The following CELF4 variants were observed in gnomAD, a reference collection of about 807,000 sequenced individuals.
CELF4 encodes the protein CUG-BP- and ETR-3-like factor 4.
In CELF4, 18 loss-of-function variants were observed where a neutral mutation model predicts 59.9. The ratio of observed to expected loss-of-function variants is 0.30; its 90% CI spans 0.21 to 0.45. The LOEUF (loss-of-function observed/expected upper bound fraction) is 0.45, where lower values mean the gene tolerates loss of function less well. Ranked by LOEUF, CELF4 falls within the 20% of genes least tolerant of loss-of-function variation. The pLI, the probability that CELF4 is intolerant of heterozygous loss-of-function variation, is 1.00. For missense variants in CELF4, 456 were observed against 689.0 expected (o/e 0.66, Z 3.79); for synonymous variants, 261 against 267.1 (o/e 0.98, Z 0.22).
At chr18:37,476,023 T>G (rs1026601564) in intron 2 of CELF4, among the ~76,000 whole-genome samples, 2 of 152,250 alleles carry the variant, frequency 1.3e-5, no homozygotes, top group African/African-American at 4.8e-5. Context: ...TTATTTCATC[T>G]GTGAATTAGG....
At chr18:37,435,122 G>T (rs1332056667) in intron 2 of CELF4, among the ~76,000 whole-genome samples, 1 of 152,142 alleles carries the variant, frequency 6.6e-6, no homozygotes, top group Non-Finnish European at 1.5e-5. Flanking sequence ...CCAGGGAAAG[G>T]TGATCCTTGC....
chr18:37,404,574 G>C, intron 2 of CELF4, among the ~76,000 whole-genome samples: 1 of 152,192 alleles, frequency 6.6e-6, no homozygotes, highest in African/African-American at 2.4e-5. Flanking sequence ...TGGGGGCTGT[G>C]CCTGGGCCTG....
At chr18:37,474,919 C>T (rs893022734) in intron 2 of CELF4, among the ~76,000 whole-genome samples, 2 of 152,216 alleles carry the variant, frequency 1.3e-5, no homozygotes, top group Non-Finnish European at 2.9e-5. Context: ...ACTTTGCCCA[C>T]GCATGCAGCA....
At chr18:37,416,011 C>T (rs1458317771) in intron 2 of CELF4, among the ~76,000 whole-genome samples, 2 of 152,280 alleles carry the variant, frequency 1.3e-5, no homozygotes, top group East Asian at 3.9e-4. Flanking sequence ...AACCTTCATT[C>T]TCTTTGGTAT....
At chr18:37,400,738 G>T (rs2099316606) in intron 2 of CELF4, among the ~76,000 whole-genome samples, 1 of 152,244 alleles carries the variant, frequency 6.6e-6, no homozygotes, top group Non-Finnish European at 1.5e-5. Context: ...CAGAATGAAT[G>T]CCGTTCATGG....
Position 37,515,572 on chromosome 18 carries a change from G to A in CELF4, c.287-29965C>T, listed in dbSNP as rs150616310. Among the ~76,000 whole-genome samples the A allele has an allele frequency of 4.6e-5, 7 of 152,318 alleles. No homozygotes were observed. In the South Asian group the frequency reaches 6.2e-4, roughly 14 times the overall value. On this transcript the variant is annotated intron_variant, in intron 1 of 12. Coordinates refer to ENST00000420428, the MANE Select transcript of CELF4 (RefSeq NM_020180.4). ...GCGGAGGTTGCATCAAGACCGTAAC[G>A]CTGGAGGGAGACAGGCCTCCCTACT...
chr18:37,372,241 C>A (rs577260369), intron 2 of CELF4, among the ~76,000 whole-genome samples: 62 of 152,252 alleles, frequency 4.1e-4, no homozygotes, highest in Admixed American at 1.2e-3. Flanking sequence ...CAAATGTCCA[C>A]CAATGATAGA....
chr18:37,285,411 C>A (rs1464390989), intron 3 of CELF4, among the ~76,000 whole-genome samples: 4 of 152,244 alleles, frequency 2.6e-5, no homozygotes, highest in Non-Finnish European at 5.9e-5. Context: ...GTCCTTGGCC[C>A]CTGGGGCCTG....
At chr18:37,276,618 C>A (rs1485470033) in intron 3 of CELF4, 1 of 152,158 alleles carries the variant, frequency 6.6e-6, no homozygotes, top group East Asian at 1.9e-4. Context: ...TCGGATAATT[C>A]CAGCTCCCAG....
At chr18:37,459,103 A>G (rs1044646792) in intron 2 of CELF4, among the ~76,000 whole-genome samples, 2 of 152,146 alleles carry the variant, frequency 1.3e-5, no homozygotes, top group African/African-American at 4.8e-5. Context: ...GAGCCCTGGG[A>G]CACTTTCTGA....
In CELF4 at chr18:37,379,796, G is replaced by T. The variant is rs145739622; in HGVS notation, c.370-57915C>A. On this transcript the variant is annotated intron_variant, in intron 2 of 12. Coordinates refer to ENST00000420428, the MANE Select transcript of CELF4 (RefSeq NM_020180.4). Reference sequence around the variant, plus strand: ...CTCCTGAGAGTGCTTGAGAGATCTGGTGACACACTCCTGCTCTCCCTCCAG... The same window carrying T: ...CTCCTGAGAGTGCTTGAGAGATCTGTTGACACACTCCTGCTCTCCCTCCAG... 1.7e-4 allele frequency among the ~76,000 whole-genome samples: 26 copies of T among 152,304 alleles called. No individual in the cohort carries two copies. The East Asian group carries it at 5.0e-3, about 30-fold the overall frequency.
chr18:37,402,521 C>G (rs1387088023), intron 2 of CELF4, among the ~76,000 whole-genome samples: 2 of 152,118 alleles, frequency 1.3e-5, no homozygotes, highest in East Asian at 3.9e-4. Context: ...AGCCCCTTCT[C>G]AATCCTTCTA....
At chr18:37,518,253 T>C (rs994432049) in intron 1 of CELF4, among the ~76,000 whole-genome samples, 1 of 152,102 alleles carries the variant, frequency 6.6e-6, no homozygotes, top group African/African-American at 2.4e-5. Context: ...ACCCCTAAGA[T>C]AAATGAAGAA....
intron 2 of CELF4, among the ~76,000 whole-genome samples, chr18:37,427,407 G>A (rs1377749569): frequency 2.0e-5 from 3 of 152,260 alleles, no homozygotes; most frequent in East Asian, 3.9e-4. Context: ...CTGCATGGGG[G>A]ATTTGCTCTG....
chr18:37,541,350 T>C (rs2099977654), intron 1 of CELF4, among the ~76,000 whole-genome samples: 1 of 151,952 alleles, frequency 6.6e-6, no homozygotes, highest in African/African-American at 2.4e-5. Flanking sequence ...TGGGCGCCTC[T>C]CTTTCTCCCC....
chr18:37,312,443 C>G (rs957074335), intron 3 of CELF4, among the ~76,000 whole-genome samples: 3 of 152,202 alleles, frequency 2.0e-5, no homozygotes, highest in Admixed American at 6.5e-5. Flanking sequence ...TCACACAAAC[C>G]TCTTGTGTTG....
intron 2 of CELF4, among the ~76,000 whole-genome samples, chr18:37,433,106 C>T (rs2099675731): frequency 6.6e-6 from 1 of 152,110 alleles, no homozygotes; most frequent in Non-Finnish European, 1.5e-5. Flanking sequence ...TAGGATGTGC[C>T]CATGAGTGGG....
intron 12 of CELF4, among the ~76,000 whole-genome samples, chr18:37,251,248 G>T (rs945655269): frequency 2.0e-5 from 3 of 152,178 alleles, no homozygotes; most frequent in Non-Finnish European, 4.4e-5. Context: ...TAAGCACTGT[G>T]TGAAGGTCTA....
intron 1 of CELF4, among the ~76,000 whole-genome samples, chr18:37,551,105 C>T (rs538107751): frequency 7.9e-5 from 12 of 151,996 alleles, no homozygotes; most frequent in Non-Finnish European, 1.8e-4. Context: ...ACTGGGAACT[C>T]GGAGGGTACT....
Sources: gnomAD v4.1 joint callset for allele counts (sites outside exome capture counted in the v4.1 genomes callset) on GRCh38, gnomAD v4.1.1 for gene constraint, MANE v1.5 for transcripts, NCBI Gene and HGNC (gene_info 2026-07-23, HGNC 2026-07-21) for gene names.